The following WIF1 variants were observed in gnomAD, a reference collection of about 807,000 sequenced individuals.
The protein encoded by WIF1 is Wnt inhibitory factor 1.
Under a neutral mutation model 53.5 loss-of-function variants are expected in WIF1, and 35 were observed. The observed-to-expected ratio is 0.65, with a 90% CI of 0.50 to 0.87. The LOEUF (loss-of-function observed/expected upper bound fraction) is 0.87. Ranked by LOEUF, WIF1 falls within the 40% of genes least tolerant of loss-of-function variation. WIF1 has a pLI of 0.00. For missense variants in WIF1, 467 were observed against 476.8 expected (o/e 0.98, Z 0.19); for synonymous variants, 171 against 170.4 (o/e 1.00, Z -0.03).
chr12:65,058,340 T>C (rs747059681), intron 7 of WIF1, among the ~76,000 whole-genome samples: 2 of 152,222 alleles, frequency 1.3e-5, no homozygotes, highest in Non-Finnish European at 2.9e-5. Context: ...TGTGAACTAC[T>C]TGGTGAGCCC....
chr12:65,118,720 G>T (rs1308270023), intron 2 of WIF1, among the ~76,000 whole-genome samples: 3 of 152,196 alleles, frequency 2.0e-5, no homozygotes, highest in East Asian at 1.9e-4. Flanking sequence ...AGTCCATTTT[G>T]TACTCACCAG....
intron 2 of WIF1, among the ~76,000 whole-genome samples, chr12:65,115,431 A>G (rs1331047744): frequency 6.6e-6 from 1 of 152,176 alleles, no homozygotes; most frequent in East Asian, 1.9e-4. Context: ...GTCTAACAAA[A>G]CTTCTCATTA....
intron 9 of WIF1, among the ~76,000 whole-genome samples, chr12:65,053,083 T>C (rs560823694): frequency 7.9e-5 from 12 of 152,210 alleles, no homozygotes; most frequent in Non-Finnish European, 1.6e-4. Flanking sequence ...TTCGGTTTAC[T>C]CTTTTCCAAA....
At chr12:65,093,168 C>G (rs1883150780) in intron 2 of WIF1, among the ~76,000 whole-genome samples, 1 of 152,138 alleles carries the variant, frequency 6.6e-6, no homozygotes, top group African/African-American at 2.4e-5. Flanking sequence ...CAGGATCTGC[C>G]TGAGCATCCA....
intron 3 of WIF1, among the ~76,000 whole-genome samples, chr12:65,074,318 T>C (rs1041125312): frequency 2.0e-5 from 3 of 152,098 alleles, no homozygotes; most frequent in Non-Finnish European, 2.9e-5. Flanking sequence ...ACGCAAGATT[T>C]ACCAGAAGCT....
intron 2 of WIF1, among the ~76,000 whole-genome samples, chr12:65,091,657 T>C (rs1883125157): frequency 6.6e-6 from 1 of 152,188 alleles, no homozygotes; most frequent in South Asian, 2.1e-4. Flanking sequence ...AGTTTGATTT[T>C]CATAGGTCTT....
At chr12:65,060,190 C>A (rs113276277) in intron 7 of WIF1, among the ~76,000 whole-genome samples, 58 of 152,260 alleles carry the variant, frequency 3.8e-4, no homozygotes, top group Admixed American at 7.8e-4. Flanking sequence ...GCAATTCCAC[C>A]CCCAGGTAAA....
At position 65,077,771 on chromosome 12, in the gene WIF1, C is replaced by T; in HGVS notation, c.372G>A (p.Leu124=). 1 of 1,613,798 alleles carries T rather than the reference C, an allele frequency of 6.2e-7. No individual in the cohort carries two copies. The change falls in exon 3 of 10, where the codon CTG becomes CTA. Residue 124 remains leucine, a synonymous_variant. Coordinates refer to ENST00000286574, the MANE Select transcript of WIF1 (RefSeq NM_007191.5). Reference sequence around the variant, plus strand: ...CTGATGCCTTGTGAGGCACTGTTCCCAGCAGAGGGACATTGACGGTTGGAT... The same window carrying T: ...CTGATGCCTTGTGAGGCACTGTTCCTAGCAGAGGGACATTGACGGTTGGAT... The part of the protein sequence containing the change: ...MADPTVNVPL[L]GTVPHKASVV...
At chr12:65,074,834 A>AAAAAG (rs1882835630) in intron 3 of WIF1, among the ~76,000 whole-genome samples, 3 of 142,572 alleles carry the variant, frequency 2.1e-5, no homozygotes, top group East Asian at 3.9e-4. Context: ...AAAAAAAAAA[A>AAAAAG]AAAAGAAAAG....
At chr12:65,103,064 G>A (rs977735015) in intron 2 of WIF1, among the ~76,000 whole-genome samples, 25 of 151,814 alleles carry the variant, frequency 1.6e-4, no homozygotes, top group African/African-American at 5.1e-4. Context: ...AGCATTTATC[G>A]ACTGGGCCCT....
intron 6 of WIF1, among the ~76,000 whole-genome samples, chr12:65,065,114 A>AT (rs1343577247): frequency 6.6e-6 from 1 of 152,178 alleles, no homozygotes; most frequent in African/African-American, 2.4e-5. Context: ...TCAAAAAGTG[A>AT]TTTTTAATCC....
At position 65,060,722 on chromosome 12, in the gene WIF1, A is replaced by G. The variant is rs755214563; in HGVS notation, c.826+1759T>C. Among the ~76,000 whole-genome samples the G allele has an allele frequency of 5.3e-5, 8 of 152,228 alleles. No individual in the cohort carries two copies. The East Asian group carries it at 5.8e-4, about 11-fold the overall frequency. ...ATATCTTAATTAAAAATAAGAATAC[A>G]TAATTCAACTATACTTTTTTGTTTC... On this transcript the variant is annotated intron_variant, in intron 7 of 9. Transcript: ENST00000286574.
intron 2 of WIF1, among the ~76,000 whole-genome samples, chr12:65,100,985 A>G (rs1224738829): frequency 6.6e-6 from 1 of 152,194 alleles, no homozygotes; most frequent in East Asian, 1.9e-4. Flanking sequence ...AAAAAAGGAC[A>G]CAAATCTTCT....
At chr12:65,081,779 C>T (rs1882954465) in intron 2 of WIF1, among the ~76,000 whole-genome samples, 1 of 151,674 alleles carries the variant, frequency 6.6e-6, no homozygotes, top group Non-Finnish European at 1.5e-5. Context: ...ATACTTGGTA[C>T]ATTTCTTTAA....
At position 65,066,624 on chromosome 12, in the gene WIF1, T is replaced by C; in HGVS notation, c.730+17A>G. 1 of 1,586,974 alleles carries C rather than the reference T, an allele frequency of 6.3e-7. No homozygotes were observed. ...TTAAAAGTAAAAATAACTTTCTTCT[T>C]AAAAAGAAACTGTTACCTTTGTCAC... On this transcript the variant is annotated intron_variant, in intron 6 of 9. Transcript: ENST00000286574.
At chr12:65,096,411 TTGG>T (rs1883205833) in intron 2 of WIF1, among the ~76,000 whole-genome samples, 2 of 152,146 alleles carry the variant, frequency 1.3e-5, no homozygotes, top group Admixed American at 1.3e-4. Flanking sequence ...TTTTACACTG[TTGG>T]TGGGAGTGTA....
chr12:65,098,542 C>T (rs1883237624), intron 2 of WIF1, among the ~76,000 whole-genome samples: 1 of 152,122 alleles, frequency 6.6e-6, no homozygotes, highest in Non-Finnish European at 1.5e-5. Flanking sequence ...TGTTCAATAC[C>T]TACTATGTCC....
At chr12:65,064,487 A>G (rs1422863103) in intron 6 of WIF1, among the ~76,000 whole-genome samples, 3 of 152,188 alleles carry the variant, frequency 2.0e-5, no homozygotes, top group Admixed American at 6.5e-5. Flanking sequence ...GTTCAAATAC[A>G]TAGTGCTGAT....
chr12:65,100,531 G>C (rs1322492626), intron 2 of WIF1, among the ~76,000 whole-genome samples: 1 of 152,056 alleles, frequency 6.6e-6, no homozygotes, highest in East Asian at 1.9e-4. Flanking sequence ...TAGTCATTAC[G>C]AGCCATTCAG....
Sources: gnomAD v4.1 joint callset for allele counts (sites outside exome capture counted in the v4.1 genomes callset) on GRCh38, gnomAD v4.1.1 for gene constraint, MANE v1.5 for transcripts, NCBI Gene and HGNC (gene_info 2026-07-23, HGNC 2026-07-21) for gene names.